C11orf65: variants seen among roughly 807,000 people sequenced by gnomAD.
C11orf65 encodes chromosome 11 open reading frame 65, also known as protein MFI.
Under a neutral mutation model 35.3 loss-of-function variants are expected in C11orf65, and 38 were observed. That is an observed-to-expected ratio of 1.08 (90% CI 0.83 to 1.41). The LOEUF is 1.41. Among genes scored for constraint, C11orf65 ranks in the 40% most tolerant of loss-of-function variants. The pLI, the probability that C11orf65 is intolerant of heterozygous loss-of-function variation, is 0.00. For missense variants in C11orf65, 370 were observed against 367.1 expected (o/e 1.01, Z -0.06); for synonymous variants, 105 against 114.4 (o/e 0.92, Z 0.53).
intron 2 of C11orf65, chr11:108,365,809 C>T (rs888303888): frequency 8.0e-6 from 3 of 373,946 alleles, no homozygotes; most frequent in Admixed American, 8.3e-5. Flanking sequence ...GTCAGGAGTT[C>T]GAGACCAGCC....
chr11:108,319,927 TA>T (rs2136217431), intron 6 of C11orf65: 1 of 1,508,348 alleles, frequency 6.6e-7, no homozygotes, highest in Non-Finnish European at 9.2e-7. Flanking sequence ...TTTTTAAGTA[TA>T]TTTTTTTCTT....
chr11:108,337,323 T>C (rs1189479714), intron 2 of C11orf65, among the ~76,000 whole-genome samples: 1 of 152,146 alleles, frequency 6.6e-6, no homozygotes, highest in Non-Finnish European at 1.5e-5. Flanking sequence ...ATAATAGATG[T>C]TTTCCATTAG....
intron 6 of C11orf65, among the ~76,000 whole-genome samples, chr11:108,404,780 C>T (rs1194170314): frequency 6.6e-6 from 1 of 152,096 alleles, no homozygotes; most frequent in Non-Finnish European, 1.5e-5. Flanking sequence ...ACCTATATTT[C>T]TGTCTATATG....
intron 2 of C11orf65, among the ~76,000 whole-genome samples, chr11:108,443,915 G>C (rs966193662): frequency 6.6e-6 from 1 of 151,874 alleles, no homozygotes; most frequent in Non-Finnish European, 1.5e-5. Flanking sequence ...AAGAACTAGA[G>C]AAGCAAGAGC....
At chr11:108,357,908 G>A (rs990215110) in intron 2 of C11orf65, among the ~76,000 whole-genome samples, 16 of 151,050 alleles carry the variant, frequency 1.1e-4, no homozygotes, top group Non-Finnish European at 2.1e-4. Context: ...CCAAAGGAAC[G>A]CAGTTCCTCA....
intron 6 of C11orf65, chr11:108,321,476 G>T: frequency 6.2e-7 from 1 of 1,611,974 alleles, no homozygotes; most frequent in South Asian, 1.1e-5. Context: ...GTTACCAATA[G>T]TGACTTTAAA....
At chr11:108,388,262 T>C (rs1253124330) in intron 7 of C11orf65, among the ~76,000 whole-genome samples, 1 of 152,188 alleles carries the variant, frequency 6.6e-6, no homozygotes, top group Non-Finnish European at 1.5e-5. Flanking sequence ...CACATGACTT[T>C]TATTCCATTA....
intron 2 of C11orf65, chr11:108,336,123 C>T (rs1420277406): frequency 3.4e-5 from 20 of 589,232 alleles, no homozygotes; most frequent in Non-Finnish European, 5.1e-5. Context: ...ATAGTGAGAC[C>T]CCATCTTGAC....
intron 2 of C11orf65, among the ~76,000 whole-genome samples, chr11:108,369,616 G>A (rs1221772751): frequency 2.0e-5 from 3 of 152,082 alleles, no homozygotes; most frequent in Non-Finnish European, 2.9e-5. Flanking sequence ...GGTAAGTAAG[G>A]AGATCTCATA....
At chr11:108,388,743 T>C (rs1054502926) in intron 7 of C11orf65, among the ~76,000 whole-genome samples, 3 of 152,210 alleles carry the variant, frequency 2.0e-5, no homozygotes, top group African/African-American at 7.2e-5. Context: ...TTAGGATGAA[T>C]GCCAGCAAAA....
intron 6 of C11orf65, among the ~76,000 whole-genome samples, chr11:108,310,752 G>T (rs2084084502): frequency 6.6e-6 from 1 of 151,834 alleles, no homozygotes; most frequent in Non-Finnish European, 1.5e-5. Context: ...ATCCAAAATG[G>T]CTATAATGTG....
chr11:108,427,027 C>G (rs1020743369), intron 3 of C11orf65, among the ~76,000 whole-genome samples: 4 of 152,078 alleles, frequency 2.6e-5, no homozygotes, highest in Admixed American at 2.6e-4. Context: ...ACACCTTATA[C>G]AAAAATTAAC....
chr11:108,433,261 CTA>C (rs938599313), intron 2 of C11orf65, among the ~76,000 whole-genome samples: 3,166 of 148,590 alleles, frequency 0.021, 81 homozygotes, highest in African/African-American at 0.066. Flanking sequence ...ATATCTCTCT[CTA>C]TATATATATA....
chr11:108,449,273 G>C (rs1591589755), intron 2 of C11orf65, among the ~76,000 whole-genome samples: 1 of 151,702 alleles, frequency 6.6e-6, no homozygotes, highest in Non-Finnish European at 1.5e-5. Flanking sequence ...TCACAGAATT[G>C]GAAAAGACTA....
chr11:108,438,463 A>G (rs528716537), intron 2 of C11orf65, among the ~76,000 whole-genome samples: 2 of 152,128 alleles, frequency 1.3e-5, no homozygotes, highest in East Asian at 3.9e-4. Context: ...AGGCAAAAGA[A>G]TCCCTCAAAC....
At chr11:108,345,514 AAC>A (rs1187434521) in intron 2 of C11orf65, among the ~76,000 whole-genome samples, 1 of 152,186 alleles carries the variant, frequency 6.6e-6, no homozygotes, top group East Asian at 1.9e-4. Context: ...CAAAACAAGT[AAC>A]AGTCACTGTA....
intron 2 of C11orf65, chr11:108,364,979 C>G: frequency 7.4e-7 from 1 of 1,356,034 alleles, no homozygotes; most frequent in Non-Finnish European, 1.0e-6. Flanking sequence ...CCCCCATCAA[C>G]TACCATGTGA....
At chr11:108,412,572 C>CA (rs2092676643) in intron 3 of C11orf65, among the ~76,000 whole-genome samples, 1 of 152,040 alleles carries the variant, frequency 6.6e-6, no homozygotes, top group Non-Finnish European at 1.5e-5. Context: ...TGACTCCACG[C>CA]AAAAAATTTT....
At chr11:108,437,739 G>GAAAAAAA (rs2093085220) in intron 2 of C11orf65, among the ~76,000 whole-genome samples, 1 of 98,232 alleles carries the variant, frequency 1.0e-5, no homozygotes, top group African/African-American at 4.3e-5. Context: ...AAAAAAAAAA[G>GAAAAAAA]GATAAGGAAA....
Sources: allele counts gnomAD v4.1 joint callset (sites outside exome capture counted in the v4.1 genomes callset), GRCh38; gene constraint gnomAD v4.1.1; transcripts MANE v1.5; gene names NCBI Gene and HGNC (gene_info 2026-07-23, HGNC 2026-07-21).